The following ARHGAP17 variants were observed in gnomAD, a reference collection of about 807,000 sequenced individuals.
ARHGAP17 encodes the protein rho GTPase-activating protein 17.
In ARHGAP17, 57 loss-of-function variants were observed where a neutral mutation model predicts 99.5. The ratio of observed to expected loss-of-function variants is 0.57; its 90% CI spans 0.46 to 0.71. The LOEUF (loss-of-function observed/expected upper bound fraction) is 0.71. Ranked by LOEUF, ARHGAP17 falls within the 30% of genes least tolerant of loss-of-function variation. ARHGAP17 has a pLI of 0.00. For missense variants in ARHGAP17, 1,000 were observed against 1,122.4 expected, an observed-to-expected ratio of 0.89 and a Z score of 1.56; for synonymous variants, 417 against 429.6, an observed-to-expected ratio of 0.97 and a Z score of 0.36.
Position 24,959,592 on chromosome 16 carries a change from A to C in ARHGAP17, c.724+79T>G, listed in dbSNP as rs753983620. ...CTTTATCCCAAGGACGTGCATGCAGAGGAGTCAGGGTGAAGAAGAACCCAG... is the reference window on the plus strand; with the variant it reads ...CTTTATCCCAAGGACGTGCATGCAGCGGAGTCAGGGTGAAGAAGAACCCAG... On this transcript the variant is annotated intron_variant, in intron 9 of 19. Transcript: ENST00000289968. 112 of 1,370,746 alleles carry C rather than the reference A, an allele frequency of 8.2e-5. 1 individual carries two copies. In the Middle Eastern group the frequency reaches 1.9e-3, roughly 24 times the overall value. 84.9% of individuals were successfully genotyped at this position (1,370,746 alleles called of 1,614,324 possible). A position where few individuals can be genotyped will look rare whatever the true frequency, so the allele number is the denominator to read the frequency against.
rs149491648 is a variant in ARHGAP17, at chr16:24,969,245, G to A, written c.273-473C>T. On this transcript the variant is annotated intron_variant, in intron 4 of 19. Transcript: ENST00000289968. ...TCATGTTTCCTTTTAGTTTGCTTGC[G>A]AACATGCAGCTGATATCATACAAAG... Among the ~76,000 whole-genome samples the A allele has an allele frequency of 2.4e-3, 373 of 152,248 alleles. 1 individual carries two copies. Among genetic ancestry groups the A allele is most frequent in the Admixed American group, 8.0e-3 (122 of 15,294 alleles).
rs377485330 is a variant in ARHGAP17 at position 24,920,212 on chromosome 16, A to G, written c.2564T>C (p.Met855Thr). Residue 855 changes from methionine (M) to threonine (T), a missense_variant, in exon 20 of 20, where the codon ATG becomes ACG. Around this residue, in one of 2 missense-constraint regions of ARHGAP17, gnomAD observed 528 missense variants for 511.4 expected, o/e 1.03. Coordinates refer to ENST00000289968, the MANE Select transcript of ARHGAP17 (RefSeq NM_001006634.3). ...SEPHRSIFPEMHSDSASKDVP... is the reference protein window; with the variant it reads ...SEPHRSIFPETHSDSASKDVP... ...GTCTTTGCTGGCTGAGTCTGAGTGC[A>G]TTTCAGGAAAGATGCTGCGATGCGG... The G allele has an allele frequency of 1.2e-5, 19 of 1,613,960 alleles. No homozygotes were observed. Among genetic ancestry groups the G allele is most frequent in the Non-Finnish European group, 1.5e-5 (18 of 1,180,004 alleles).
chr16:25,004,288 C>G (rs962298239), intron 1 of ARHGAP17, among the ~76,000 whole-genome samples: 6 of 152,154 alleles, frequency 3.9e-5, no homozygotes, highest in Non-Finnish European at 5.9e-5. Flanking sequence ...AATGATTGCT[C>G]ACGTTACATG....
chr16:24,942,288 C>G, intron 15 of ARHGAP17, 145 bp from the exon 16 acceptor site: 1 of 753,020 alleles, frequency 1.3e-6, no homozygotes. Flanking sequence ...GCACTCACAT[C>G]GCAAGAATGG....
At chr16:24,968,091 T>A (rs2052245466) in intron 6 of ARHGAP17, among the ~76,000 whole-genome samples, 1 of 152,218 alleles carries the variant, frequency 6.6e-6, no homozygotes, top group Non-Finnish European at 1.5e-5. Context: ...CACCATCCCC[T>A]CTTCCGTTAA....
At chr16:24,924,244 C>G (rs1258071788) in intron 19 of ARHGAP17, among the ~76,000 whole-genome samples, 1 of 152,118 alleles carries the variant, frequency 6.6e-6, no homozygotes, top group Non-Finnish European at 1.5e-5. Flanking sequence ...TAGAAAGACA[C>G]TTGTAAGAAC....
At chr16:24,927,583 G>T in intron 19 of ARHGAP17, 1 of 415,150 alleles carries the variant, frequency 2.4e-6, no homozygotes, top group Non-Finnish European at 3.8e-6. Flanking sequence ...AGGGATGCAA[G>T]CAGGCAGGGT....
At chr16:24,935,874 G>A in intron 17 of ARHGAP17, 1 of 507,152 alleles carries the variant, frequency 2.0e-6, no homozygotes, top group Non-Finnish European at 3.6e-6. Context: ...GTCTTGCTAT[G>A]TTGCCCAGGT....
At chr16:24,990,583 G>T (rs2053009313) in intron 1 of ARHGAP17, among the ~76,000 whole-genome samples, 1 of 152,008 alleles carries the variant, frequency 6.6e-6, no homozygotes, top group Non-Finnish European at 1.5e-5. Flanking sequence ...TTTGAGCCTG[G>T]GAAGTGGAGA....
chr16:24,964,407 T>C, intron 6 of ARHGAP17, 99 bp from the exon 7 acceptor site: 2 of 809,864 alleles, frequency 2.5e-6, no homozygotes, highest in East Asian at 5.0e-5. Flanking sequence ...CCACAATTGA[T>C]TCTACCTGGA....
chr16:24,931,211 T>C lies in ARHGAP17; in HGVS notation c.2088A>G (p.Ser696=). 6.4e-7 allele frequency: 1 copy of C among 1,562,162 alleles called. No individual in the cohort carries two copies. Among genetic ancestry groups the C allele is most frequent in the Non-Finnish European group, 8.7e-7 (1 of 1,155,114 alleles). The change falls in exon 19 of 20, where the codon TCA becomes TCG. Residue 696 remains serine, a synonymous_variant. Transcript: ENST00000289968. ...AGCTGCTGGAGTACCTCCGGGGTGC[T>C]GAGAGCTGGGAGGGGGCGGAGGGCT... ...PGQPSAPSQL[S]APRRYSSSLS... is the part of the protein sequence containing the mutation.
chr16:24,984,161 T>G (rs936147150), intron 1 of ARHGAP17, among the ~76,000 whole-genome samples: 1 of 152,174 alleles, frequency 6.6e-6, no homozygotes, highest in Non-Finnish European at 1.5e-5. Flanking sequence ...TCTGGTAGTT[T>G]CCTTCATAAA....
chr16:25,007,987 G>A (rs1201655920), intron 1 of ARHGAP17, among the ~76,000 whole-genome samples: 4 of 152,018 alleles, frequency 2.6e-5, no homozygotes, highest in African/African-American at 7.3e-5. Flanking sequence ...TCCTATACCC[G>A]CCTCCCATTT....
At chr16:24,946,740 A>C (rs1418999358) in intron 14 of ARHGAP17, among the ~76,000 whole-genome samples, 1 of 152,164 alleles carries the variant, frequency 6.6e-6, no homozygotes, top group Non-Finnish European at 1.5e-5. Context: ...AAACCTCCAT[A>C]AACAAACCTT....
chr16:25,012,048 C>CTTCT (rs887332074), intron 1 of ARHGAP17, among the ~76,000 whole-genome samples: 2 of 152,188 alleles, frequency 1.3e-5, no homozygotes, highest in African/African-American at 4.8e-5. Context: ...ATCTCCTGAG[C>CTTCT]TCCCTCAGGG....
intron 17 of ARHGAP17, 127 bp downstream of exon 17, chr16:24,939,237 T>G: frequency 2.5e-6 from 2 of 803,830 alleles, no homozygotes; most frequent in African/African-American, 1.8e-5. Flanking sequence ...ACCAGAGGAG[T>G]GAAAGTAAAT....
At chr16:24,978,030 T>G (rs1332442591) in intron 2 of ARHGAP17, among the ~76,000 whole-genome samples, 1 of 152,144 alleles carries the variant, frequency 6.6e-6, no homozygotes, top group Non-Finnish European at 1.5e-5. Context: ...AGGGCAGCGT[T>G]TCTTCAGATC....
intron 1 of ARHGAP17, among the ~76,000 whole-genome samples, chr16:25,001,052 C>T (rs1245882304): frequency 6.6e-6 from 1 of 152,208 alleles, no homozygotes; most frequent in Non-Finnish European, 1.5e-5. Context: ...AAGGTAGAAT[C>T]ATATGCCCTT....
At chr16:24,950,835 T>TAAAAAAAAAAAAAAA (rs2051613131) in intron 12 of ARHGAP17, among the ~76,000 whole-genome samples, 1 of 33,866 alleles carries the variant, frequency 3.0e-5, no homozygotes, top group African/African-American at 2.1e-4. Context: ...GGACTCCAAC[T>TAAAAAAAAAAAAAAA]CAAAAAAAAA....
Sources: gnomAD v4.1 joint callset for allele counts (sites outside exome capture counted in the v4.1 genomes callset) on GRCh38, gnomAD v4.1.1 for gene constraint, gnomAD v4.1.1 regional missense constraint, MANE v1.5 for transcripts, NCBI Gene and HGNC (gene_info 2026-07-23, HGNC 2026-07-21) for gene names.